OC90: variants seen among roughly 807,000 people sequenced by gnomAD.
OC90 encodes the protein otoconin-90.
Under a neutral mutation model 47.3 loss-of-function variants are expected in OC90, and 46 were observed. The ratio of observed to expected loss-of-function variants is 0.97; its 90% confidence interval spans 0.77 to 1.24. OC90 has a LOEUF of 1.24. OC90 is among the 50% of genes most tolerant of loss of function. The probability of loss-of-function intolerance (pLI) is 0.00; values close to 1 mark genes in which losing one functional copy is unlikely to be tolerated. For missense variants in OC90, 688 were observed against 583.9 expected (o/e 1.18, Z -1.84); for synonymous variants, 271 against 219.5 (o/e 1.23, Z -2.07).
intron 12 of OC90, among the ~76,000 whole-genome samples, chr8:132,030,058 C>T (rs1269170301): frequency 2.0e-5 from 3 of 152,176 alleles, no homozygotes; most frequent in Non-Finnish European, 2.9e-5. Context: ...AACAATCCAC[C>T]TTGTATGCTC....
intron 13 of OC90, among the ~76,000 whole-genome samples, chr8:132,025,739 G>A (rs1822747783): frequency 6.6e-6 from 1 of 152,132 alleles, no homozygotes; most frequent in Non-Finnish European, 1.5e-5. Flanking sequence ...TCTTTTTTCT[G>A]CCTTAGATGT....
chr8:132,039,927 C>T (rs1035483371), intron 6 of OC90, among the ~76,000 whole-genome samples: 3 of 152,142 alleles, frequency 2.0e-5, no homozygotes, highest in Admixed American at 2.0e-4. Flanking sequence ...ATTCATTTTC[C>T]TCCACAGCTC....
chr8:132,045,852 T>C lies in OC90; in HGVS notation c.78A>G (p.Pro26=). 6.5e-7 allele frequency: 1 copy of C among 1,546,514 alleles called. No homozygotes were observed. Among genetic ancestry groups the C allele is most frequent in the East Asian group, 2.4e-5 (1 of 40,894 alleles). ...GGHPLDTPHL[P]QELPPGLPNN... is the part of the protein sequence containing the mutation. ...TTGGGAGTCCTGGAGGCAGCTCCTG[T>C]GGAAGATGTGGAGTGTCCAGAGGAT... Residue 26 remains proline, a synonymous_variant, in exon 3 of 14, where the codon CCA becomes CCG. Transcript: ENST00000254627.
chr8:132,052,913 ACCCGG>A (rs1823234395), intron 2 of OC90, among the ~76,000 whole-genome samples: 1 of 133,122 alleles, frequency 7.5e-6, no homozygotes, highest in Non-Finnish European at 1.6e-5. Flanking sequence ...GCTTTTTCTC[ACCCGG>A]TACGTACGGC....
intron 9 of OC90, among the ~76,000 whole-genome samples, chr8:132,035,984 T>C (rs552467335): frequency 7.0e-4 from 106 of 152,328 alleles, no homozygotes; most frequent in African/African-American, 2.4e-3. Flanking sequence ...CAAATAATTA[T>C]CATTGATTTA....
intron 13 of OC90, 130 bp downstream of exon 13, chr8:132,028,943 A>AAG (rs1822829458): frequency 3.2e-6 from 2 of 621,910 alleles, no homozygotes; most frequent in African/African-American, 3.7e-5. Context: ...GGAAGGAAGG[A>AAG]AAAGAAAGAA....
chr8:132,033,267 T>A (rs1477195592), intron 10 of OC90, 103 bp from the exon 11 acceptor site: 1 of 1,173,326 alleles, frequency 8.5e-7, no homozygotes, highest in East Asian at 2.5e-5. Context: ...AACAACATAG[T>A]GTTAGGAGAA....
intron 11 of OC90, 32 bp from the exon 12 acceptor site, chr8:132,032,084 G>A: frequency 6.2e-7 from 1 of 1,601,366 alleles, no homozygotes; most frequent in Non-Finnish European, 8.5e-7. Flanking sequence ...AGGAGAGCAA[G>A]GACTGTCGGG....
At chr8:132,029,011 G>A in intron 13 of OC90, 62 bp downstream of exon 13, 1 of 1,131,622 alleles carries the variant, frequency 8.8e-7, no homozygotes, top group Non-Finnish European at 1.4e-6. Flanking sequence ...ACAAGTCTGA[G>A]CTACAGTCAC....
chr8:132,043,189 T>C (rs1823078726), intron 4 of OC90, among the ~76,000 whole-genome samples: 2 of 152,248 alleles, frequency 1.3e-5, no homozygotes, highest in African/African-American at 2.4e-5. Flanking sequence ...GAGCATCCTT[T>C]AGGTGTCAGA....
intron 12 of OC90, among the ~76,000 whole-genome samples, chr8:132,029,720 T>A (rs1822845784): frequency 6.6e-6 from 1 of 152,128 alleles, no homozygotes; most frequent in Admixed American, 6.5e-5. Flanking sequence ...CCAGCATAGA[T>A]CAGGACCTCG....
At position 132,039,099 on chromosome 8, in the gene OC90, A is replaced by G. The variant is rs1192250335; in HGVS notation, c.482T>C (p.Leu161Pro). Reference sequence around the variant, plus strand: ...GGCAGCCTTATCACAGGTACACAGCAGGTGCTCACAGTTGTCCTTGGACTC... The same window carrying G: ...GGCAGCCTTATCACAGGTACACAGCGGGTGCTCACAGTTGTCCTTGGACTC... ...ICESKDNCEH[L>P]LCTCDKAAIE... Residue 161 changes from leucine (L) to proline (P), a missense_variant, in exon 7 of 14, where the codon CTG becomes CCG. Physicochemically the swap from Leu to Pro is moderately conservative, Grantham distance 98. Coordinates refer to ENST00000254627, the MANE Select transcript of OC90 (RefSeq NM_001080399.3). 6.2e-7 allele frequency: 1 copy of G among 1,611,638 alleles called. No individual in the cohort carries two copies. The highest frequency in any genetic ancestry group is 1.1e-5 in the South Asian group (1 of 90,420).
intron 5 of OC90, 39 bp downstream of exon 5, chr8:132,041,486 C>T (rs368707641): frequency 3.7e-5 from 58 of 1,571,702 alleles, no homozygotes; most frequent in Non-Finnish European, 4.6e-5. Context: ...CCCATGAGCT[C>T]ACTTTTTTTG....
intron 1 of OC90, among the ~76,000 whole-genome samples, chr8:132,058,989 C>T (rs1823312078): frequency 6.6e-6 from 1 of 152,094 alleles, no homozygotes; most frequent in Non-Finnish European, 1.5e-5. Context: ...ACCTTATCCT[C>T]CATTCATTTA....
intron 1 of OC90, among the ~76,000 whole-genome samples, chr8:132,057,446 G>A (rs1286497158): frequency 6.6e-6 from 1 of 152,160 alleles, no homozygotes; most frequent in Non-Finnish European, 1.5e-5. Context: ...CTTTATTAGA[G>A]ACATAATTTT....
intron 12 of OC90, among the ~76,000 whole-genome samples, chr8:132,029,388 C>T (rs192167999): frequency 3.4e-4 from 52 of 152,244 alleles, no homozygotes; most frequent in Non-Finnish European, 4.4e-4. Flanking sequence ...ACGTCTAAGG[C>T]GGCATCACTT....
At chr8:132,050,050 A>T (rs1823191698) in intron 2 of OC90, among the ~76,000 whole-genome samples, 1 of 152,128 alleles carries the variant, frequency 6.6e-6, no homozygotes, top group African/African-American at 2.4e-5. Context: ...TACCTCTACC[A>T]TTGTGTCACC....
Position 132,037,419 on chromosome 8 carries a change from C to A in OC90, c.679+19G>T. 1 of 1,572,628 alleles carries A rather than the reference C, an allele frequency of 6.4e-7. No individual in the cohort carries two copies. Among genetic ancestry groups the A allele is most frequent in the South Asian group, 1.2e-5 (1 of 85,566 alleles). On this transcript the variant is annotated intron_variant, in intron 9 of 13. Transcript: ENST00000254627. The stretch of plus-strand genomic sequence containing the variant: ...TCATTGTGTGTCTTTGGGTTCCACA[C>A]TAGCCCCTTCTGGCTCACCTTCTCC...
intron 7 of OC90, 21 bp downstream of exon 7, chr8:132,038,974 A>T (rs574068509): frequency 6.2e-7 from 1 of 1,613,968 alleles, no homozygotes; most frequent in Non-Finnish European, 8.5e-7. Flanking sequence ...CCCACGGCTG[A>T]TGCAGCCAGG....
Sources: allele counts gnomAD v4.1 joint callset (sites outside exome capture counted in the v4.1 genomes callset), GRCh38; gene constraint gnomAD v4.1.1; transcripts MANE v1.5; gene names NCBI Gene and HGNC (gene_info 2026-07-23, HGNC 2026-07-21).